STARD9: variants seen among roughly 807,000 people sequenced by gnomAD.
The protein encoded by STARD9 is stAR-related lipid transfer protein 9.
In STARD9, 346 loss-of-function variants were observed where a neutral mutation model predicts 399.8. That is an observed-to-expected ratio of 0.87 (90% CI 0.79 to 0.95). The LOEUF (loss-of-function observed/expected upper bound fraction) is 0.95. Among genes scored for constraint, STARD9 ranks in the 40% least tolerant of loss-of-function variants. STARD9 has a pLI of 0.00. For synonymous variants in STARD9, 2,203 were observed against 2,143.5 expected, an observed-to-expected ratio of 1.03 and a Z score of -0.77; for missense variants, 5,832 against 5,667.5, an observed-to-expected ratio of 1.03 and a Z score of -0.93.
chr15:42,616,158 AAATGAAAAGGTTAATATGTGC>A (rs2058959195), intron 3 of STARD9, among the ~76,000 whole-genome samples: 1 of 152,250 alleles, frequency 6.6e-6, no homozygotes. Flanking sequence ...AAACTTGTGC[AAATGAAAAGGTTAATATGTGC>A]AATGAAAAGG....
chr15:42,628,490 A>G lies in STARD9; in HGVS notation c.235-6366A>G, dbSNP rs752564285. Among the ~76,000 whole-genome samples the G allele has an allele frequency of 4.1e-4, 62 of 152,282 alleles. No individual in the cohort carries two copies. In the Middle Eastern group the frequency reaches 0.017, roughly 42 times the overall value. ...TGCCTGTGTTTCTGGTGTATTATTC[A>G]AGAAATCTATGCCCAGACCTATGTC... On this transcript the variant is annotated intron_variant, in intron 3 of 32. Transcript: ENST00000290607.
intron 26 of STARD9, among the ~76,000 whole-genome samples, chr15:42,696,599 G>T (rs1184414453): frequency 6.6e-6 from 1 of 152,184 alleles, no homozygotes; most frequent in Non-Finnish European, 1.5e-5. Context: ...AGAATGACTG[G>T]ATAGTAAGAA....
chr15:42,636,400 G>A (rs567655637), intron 4 of STARD9, among the ~76,000 whole-genome samples: 2 of 152,162 alleles, frequency 1.3e-5, no homozygotes, highest in South Asian at 2.1e-4. Flanking sequence ...GGCCAATATG[G>A]TGAAACCAAG....
chr15:42,636,796 T>G (rs1218128512), intron 4 of STARD9, among the ~76,000 whole-genome samples: 2 of 152,108 alleles, frequency 1.3e-5, no homozygotes, highest in African/African-American at 4.8e-5. Flanking sequence ...CTGGGCATGT[T>G]GGCTCACACC....
At position 42,687,626 on chromosome 15, in the gene STARD9, C is replaced by T. The variant is rs1350377179; in HGVS notation, c.6048C>T (p.Asn2016=). ...TAGTTGCATGCCCTCAGGAAAGAAA[C>T]CCCAGTGAATGCAAGTCACAAGAAA... ...FQLVACPQER[N]PSECKSQEML... is the part of the protein sequence containing the mutation. Residue 2016 remains asparagine (N), a synonymous_variant, in exon 23 of 33, where the codon AAC becomes AAT. Transcript: ENST00000290607. The T allele has an allele frequency of 1.3e-6, 2 of 1,537,006 alleles. No homozygotes were observed. Among genetic ancestry groups the T allele is most frequent in the Middle Eastern group, 1.7e-4 (1 of 5,990 alleles).
chr15:42,652,636 T>A, intron 9 of STARD9, 44 bp downstream of exon 9: 1 of 1,469,916 alleles, frequency 6.8e-7, no homozygotes, highest in Non-Finnish European at 9.2e-7. Context: ...CCTCTCCTTG[T>A]ACCTTTAAAC....
At chr15:42,580,147 A>G (rs745556401) in intron 1 of STARD9, among the ~76,000 whole-genome samples, 2 of 152,242 alleles carry the variant, frequency 1.3e-5, no homozygotes, top group Non-Finnish European at 2.9e-5. Flanking sequence ...GAACTATAAT[A>G]CCAAAGACAG....
At chr15:42,683,635 T>C (rs992780545) in intron 22 of STARD9, among the ~76,000 whole-genome samples, 6 of 152,196 alleles carry the variant, frequency 3.9e-5, no homozygotes, top group African/African-American at 1.4e-4. Context: ...ATTGAAACCG[T>C]TGGTTTTTCA....
At position 42,662,893 on chromosome 15, in the gene STARD9, T is replaced by A. The variant is rs760365912; in HGVS notation, c.868+2T>A. 1 of 1,525,432 alleles carries A rather than the reference T, an allele frequency of 6.6e-7. No individual in the cohort carries two copies. Among genetic ancestry groups the A allele is most frequent in the South Asian group, 1.2e-5 (1 of 83,756 alleles). The allele number at this position is 1,525,432 out of a possible 1,614,324, so 94.5% of individuals were successfully genotyped here. On this transcript the variant is annotated splice_donor_variant, in intron 11 of 32. Transcript: ENST00000290607. LOFTEE classifies it high-confidence loss of function. ...TAGGAATTGTCATCTCCACCTTAGG[T>A]ATTTTCTGATAGATAATGGGAGTGG...
In STARD9 at chr15:42,685,962, G is replaced by A. The variant is rs752196673; in HGVS notation, c.4384G>A (p.Val1462Ile). 174 of 1,537,054 alleles carry A rather than the reference G, an allele frequency of 1.1e-4. 2 individuals carry two copies. The South Asian group carries it at 1.5e-3, about 14-fold the overall frequency. The change falls in exon 23 of 33, where the codon GTA becomes ATA. Residue 1462 changes from valine to isoleucine, a missense_variant. Transcript: ENST00000290607. Reference protein sequence around the residue: ...GSSEASHNSSVSNVLAASATT... With the variant: ...GSSEASHNSSISNVLAASATT... The stretch of plus-strand genomic sequence containing the variant: ...CTCTGAAGCATCCCACAATTCTAGC[G>A]TATCAAACGTGCTGGCTGCCTCTGC...
At position 42,702,491 on chromosome 15, in the gene STARD9, C is replaced by T. The variant is rs1045109589; in HGVS notation, c.13284+6611C>T. ...TATTGGGATTACAGGCATGAGCCAC[C>T]GCGCCCGGCCTGTTGTTATTATTTT... On this transcript the variant is annotated intron_variant, in intron 26 of 32. Coordinates refer to ENST00000290607, the MANE Select transcript of STARD9 (RefSeq NM_020759.3). Among the ~76,000 whole-genome samples the T allele has an allele frequency of 4.6e-5, 7 of 152,250 alleles. No individual in the cohort carries two copies. The East Asian group carries it at 5.8e-4, about 13-fold the overall frequency.
intron 3 of STARD9, among the ~76,000 whole-genome samples, chr15:42,588,803 T>G (rs1595587415): frequency 2.5e-5 from 1 of 40,584 alleles, no homozygotes; most frequent in African/African-American, 5.7e-5. Context: ...TTTTTTTTTT[T>G]TTTTTTTTTT....
At chr15:42,609,716 G>A (rs926359263) in intron 3 of STARD9, among the ~76,000 whole-genome samples, 19 of 152,054 alleles carry the variant, frequency 1.2e-4, no homozygotes, top group African/African-American at 4.6e-4. Context: ...GGGATTACAG[G>A]TGTGAGCCAC....
Position 42,684,292 on chromosome 15 carries a change from C to T in STARD9, c.2714C>T (p.Thr905Ile), listed in dbSNP as rs747831347. The T allele has an allele frequency of 3.3e-6, 5 of 1,536,984 alleles. No individual in the cohort carries two copies. The African/African-American group carries it at 4.1e-5, about 13-fold the overall frequency. ...TCCTCAGGTCATGGGCAGCCCTGCA[C>T]AGCCAGAGCAGCCTTGGCCAGGAAG... is the stretch of plus-strand genomic sequence containing the variant. ...LHSSGHGQPC[T>I]ARAALARKGA... The change falls in exon 23 of 33, where the codon ACA becomes ATA. Residue 905 changes from threonine to isoleucine, a missense_variant. Thr to Ile is a moderately conservative substitution (Grantham distance 89). Around this residue, in one of 2 missense-constraint regions of STARD9, gnomAD observed 5,828 missense variants for 5,651.1 expected, o/e 1.03. Transcript: ENST00000290607.
intron 26 of STARD9, among the ~76,000 whole-genome samples, chr15:42,715,585 A>G (rs1216764363): frequency 6.6e-6 from 1 of 151,626 alleles, no homozygotes; most frequent in African/African-American, 2.4e-5. Context: ...CAGTGGCACA[A>G]TCTCGGCTCA....
chr15:42,581,350 G>A, intron 1 of STARD9: 2 of 1,428,830 alleles, frequency 1.4e-6, no homozygotes, highest in Non-Finnish European at 2.0e-6. Flanking sequence ...GTTTCTCCTG[G>A]TGTGGTGGAG....
rs577850107 is a variant in STARD9, at chr15:42,603,533, A to G, written c.234+17896A>G. Among the ~76,000 whole-genome samples the G allele has an allele frequency of 6.6e-4, 100 of 152,316 alleles. 1 individual carries two copies. The highest frequency in any genetic ancestry group is 2.3e-3 in the African/African-American group (97 of 41,560). ...GCCTGCTGCCCCATAGAGCCAATTTACCGAGACAGTGGAATCACAATAAAG... is the reference window on the plus strand; with the variant it reads ...GCCTGCTGCCCCATAGAGCCAATTTGCCGAGACAGTGGAATCACAATAAAG... On this transcript the variant is annotated intron_variant, in intron 3 of 32. Coordinates refer to ENST00000290607, the MANE Select transcript of STARD9 (RefSeq NM_020759.3).
rs2140280802 is a variant in STARD9 at position 42,691,385 on chromosome 15, C to T, written c.9807C>T (p.Asp3269=). The part of the protein sequence containing the change: ...VSKILSQGFK[D]PATVSLRQNE... ...AGATTTTATCACAGGGCTTCAAAGA[C>T]CCAGCCACTGTGTCCTTGAGGCAAA... Residue 3269 remains aspartate (D), a synonymous_variant, in exon 23 of 33, where the codon GAC becomes GAT. Transcript: ENST00000290607. The T allele has an allele frequency of 1.3e-6, 2 of 1,537,228 alleles. No homozygotes were observed. The highest frequency in any genetic ancestry group is 2.0e-5 in the Admixed American group (1 of 51,000).
chr15:42,658,050 G>A (rs927148200), intron 9 of STARD9, among the ~76,000 whole-genome samples: 1 of 152,212 alleles, frequency 6.6e-6, no homozygotes, highest in African/African-American at 2.4e-5. Flanking sequence ...TGTGATTCTT[G>A]ATTAGGCGAA....
Sources: allele counts gnomAD v4.1 joint callset (sites outside exome capture counted in the v4.1 genomes callset), GRCh38; gene constraint gnomAD v4.1.1; regional missense constraint gnomAD v4.1.1; transcripts MANE v1.5; gene names NCBI Gene and HGNC (gene_info 2026-07-23, HGNC 2026-07-21).